The following MAGI1 variants were observed in gnomAD, a reference collection of about 807,000 sequenced individuals.
The protein encoded by MAGI1 is membrane associated guanylate kinase, WW and PDZ domain containing 1.
In MAGI1, 58 loss-of-function variants were observed where a neutral mutation model predicts 139.9. That is an observed-to-expected ratio of 0.41 (90% confidence interval 0.34 to 0.52). The LOEUF (loss-of-function observed/expected upper bound fraction) is 0.52. MAGI1 is among the 20% of genes least tolerant of loss of function. MAGI1 has a pLI of 0.12. For missense variants in MAGI1, 1,874 were observed against 1,901.6 expected, an observed-to-expected ratio of 0.99 and a Z score of 0.27; for synonymous variants, 812 against 737.9, an observed-to-expected ratio of 1.10 and a Z score of -1.63.
intron 1 of MAGI1, among the ~76,000 whole-genome samples, chr3:65,817,690 C>T (rs573397534): frequency 1.3e-5 from 2 of 152,300 alleles, no homozygotes; most frequent in Non-Finnish European, 2.9e-5. Context: ...CTCAATTCAT[C>T]AGTTGCTTTG....
rs779053891 is a variant in MAGI1 at position 66,038,345 on chromosome 3, G to C, written c.-37C>G. The stretch of plus-strand genomic sequence containing the variant: ...CCCCTCCTCCAAAAAAATAAAACGA[G>C]AGACAGGTGCCCCCCACAGCACGAG... On this transcript the variant is annotated 5_prime_UTR_variant, in exon 1 of 23. Transcript: ENST00000402939. 5 of 1,514,660 alleles carry C rather than the reference G, an allele frequency of 3.3e-6. No homozygotes were observed. Among genetic ancestry groups the C allele is most frequent in the Non-Finnish European group, 4.4e-6 (5 of 1,133,648 alleles). 93.8% of individuals were successfully genotyped at this position (1,514,660 alleles called of 1,614,324 possible). A position where few individuals can be genotyped will look rare whatever the true frequency, so the allele number is the denominator to read the frequency against.
At chr3:65,889,761 C>T (rs1436965042) in intron 1 of MAGI1, among the ~76,000 whole-genome samples, 1 of 152,066 alleles carries the variant, frequency 6.6e-6, no homozygotes, top group Non-Finnish European at 1.5e-5. Context: ...AATTTACACT[C>T]ATAGTATGGG....
At chr3:65,581,897 G>T (rs544804093) in intron 2 of MAGI1, among the ~76,000 whole-genome samples, 6 of 152,144 alleles carry the variant, frequency 3.9e-5, no homozygotes, top group Admixed American at 2.0e-4. Flanking sequence ...TTCCAATCCT[G>T]AATATATTCC....
chr3:65,915,829 T>C (rs1315812840), intron 1 of MAGI1, among the ~76,000 whole-genome samples: 1 of 152,092 alleles, frequency 6.6e-6, no homozygotes, highest in Non-Finnish European at 1.5e-5. Flanking sequence ...TGTGCTTCCT[T>C]ATTTCTAAAA....
chr3:65,360,734 C>T, intron 22 of MAGI1: 1 of 1,006,866 alleles, frequency 9.9e-7, no homozygotes, highest in Non-Finnish European at 1.2e-6. Context: ...TTAGCAAAGC[C>T]CCCAAATCTC....
At chr3:65,613,056 T>A (rs2083200252) in intron 2 of MAGI1, among the ~76,000 whole-genome samples, 1 of 152,186 alleles carries the variant, frequency 6.6e-6, no homozygotes, top group Non-Finnish European at 1.5e-5. Flanking sequence ...TGTTAATTTT[T>A]AAAAATGGTC....
intron 1 of MAGI1, among the ~76,000 whole-genome samples, chr3:65,817,447 G>A (rs186865792): frequency 3.9e-5 from 6 of 152,078 alleles, no homozygotes; most frequent in East Asian, 1.9e-4. Context: ...GCCTTTATAC[G>A]CAGTAATACT....
intron 1 of MAGI1, among the ~76,000 whole-genome samples, chr3:65,678,754 C>A (rs566143236): frequency 6.6e-6 from 1 of 152,286 alleles, no homozygotes; most frequent in African/African-American, 2.4e-5. Context: ...GTTGTGTTCA[C>A]GCTCCTTGAA....
At chr3:65,561,001 G>A (rs1316670488) in intron 2 of MAGI1, among the ~76,000 whole-genome samples, 1 of 152,138 alleles carries the variant, frequency 6.6e-6, no homozygotes, top group African/African-American at 2.4e-5. Context: ...TATCAGTATG[G>A]CAGATATACA....
intron 1 of MAGI1, among the ~76,000 whole-genome samples, chr3:66,022,916 T>C (rs2068037523): frequency 6.6e-6 from 1 of 152,184 alleles, no homozygotes; most frequent in South Asian, 2.1e-4. Context: ...GCTAAACTCT[T>C]TAACAAAGAC....
chr3:65,379,215 C>T (rs200751853), intron 17 of MAGI1, 46 bp downstream of exon 17: 3 of 1,606,746 alleles, frequency 1.9e-6, no homozygotes, highest in African/African-American at 2.7e-5. Flanking sequence ...ACAAAAACTC[C>T]CAGGCATGGT....
chr3:66,005,798 T>C, intron 1 of MAGI1, among the ~76,000 whole-genome samples: 1 of 151,890 alleles, frequency 6.6e-6, no homozygotes, highest in Non-Finnish European at 1.5e-5. Context: ...CTTCCATGCA[T>C]CTCCCATGGA....
chr3:65,760,908 G>C (rs56201052), intron 1 of MAGI1, among the ~76,000 whole-genome samples: 3,002 of 152,234 alleles, frequency 0.02, 93 homozygotes, highest in African/African-American at 0.068. Context: ...GGGAGGCTTC[G>C]TAGAAACACT....
chr3:65,636,327 G>A (rs1023932874), intron 1 of MAGI1, among the ~76,000 whole-genome samples: 1 of 152,092 alleles, frequency 6.6e-6, no homozygotes, highest in African/African-American at 2.4e-5. Flanking sequence ...ATTTAGGGGA[G>A]AGAGTTCTAG....
intron 1 of MAGI1, among the ~76,000 whole-genome samples, chr3:65,635,482 A>G (rs1056880557): frequency 6.6e-5 from 10 of 152,196 alleles, no homozygotes; most frequent in African/African-American, 2.4e-4. Flanking sequence ...AAGTTGTCCA[A>G]ATGGCCCTCT....
At chr3:65,781,478 T>C (rs956823928) in intron 1 of MAGI1, among the ~76,000 whole-genome samples, 8 of 152,220 alleles carry the variant, frequency 5.3e-5, no homozygotes, top group African/African-American at 1.7e-4. Flanking sequence ...AGGTTTGTTA[T>C]ATATAAACAC....
rs139416222 is a variant in MAGI1 at position 65,464,581 on chromosome 3, T to C, written c.959+5702A>G. ...TCCTACTGTATCTGACATTAATATG[T>C]CAACTCTTGCTTCTTTCGATTAACA... On this transcript the variant is annotated intron_variant, in intron 5 of 22. Coordinates refer to ENST00000402939, the MANE Select transcript of MAGI1 (RefSeq NM_001033057.2). Among the ~76,000 whole-genome samples the C allele has an allele frequency of 6.3e-3, 960 of 152,296 alleles. 19 individuals are homozygous for C. Among genetic ancestry groups the C allele is most frequent in the Non-Finnish European group, 5.3e-3 (361 of 67,994 alleles).
chr3:65,715,492 A>G (rs1399566689), intron 1 of MAGI1, among the ~76,000 whole-genome samples: 1 of 152,198 alleles, frequency 6.6e-6, no homozygotes, highest in African/African-American at 2.4e-5. Flanking sequence ...CAGTTGGACC[A>G]GCATTTGTCT....
intron 1 of MAGI1, among the ~76,000 whole-genome samples, chr3:65,661,077 G>C (rs538131524): frequency 2.0e-5 from 3 of 152,204 alleles, no homozygotes; most frequent in Non-Finnish European, 4.4e-5. Context: ...CATCAGTTTA[G>C]AGCTCTAAAA....
Sources: gnomAD v4.1 joint callset for allele counts (sites outside exome capture counted in the v4.1 genomes callset) on GRCh38, gnomAD v4.1.1 for gene constraint, MANE v1.5 for transcripts, NCBI Gene and HGNC (gene_info 2026-07-23, HGNC 2026-07-21) for gene names.